Variants in RAB20 observed in about 807,000 individuals in gnomAD.
RAB20 encodes the protein ras-related protein Rab-20.
RAB20 carries 2 observed loss-of-function variants against 3.7 expected under a neutral mutation model. That is an observed-to-expected ratio of 0.54 (90% CI 0.22 to 1.69). The LOEUF (loss-of-function observed/expected upper bound fraction) is 1.69, where lower values mean the gene tolerates loss of function less well. Among genes scored for constraint, RAB20 ranks in the 40% most tolerant of loss-of-function variants. The pLI is 0.19. For missense variants in RAB20, 276 were observed against 311.9 expected, an observed-to-expected ratio of 0.88 and a Z score of 0.87; for synonymous variants, 126 against 130.8, an observed-to-expected ratio of 0.96 and a Z score of 0.25.
At chr13:110,545,575 A>G (rs1381760501) in intron 1 of RAB20, among the ~76,000 whole-genome samples, 2 of 152,210 alleles carry the variant, frequency 1.3e-5, no homozygotes, top group Non-Finnish European at 2.9e-5. Context: ...GTTCACACTC[A>G]CTGAGTGTTC....
chr13:110,546,497 A>G (rs1884851084), intron 1 of RAB20, among the ~76,000 whole-genome samples: 2 of 152,198 alleles, frequency 1.3e-5, no homozygotes, highest in African/African-American at 2.4e-5. Context: ...CCAACCCACA[A>G]GGAAGCACAG....
In RAB20 at chr13:110,543,133, A is replaced by AT. The variant is rs201018917; in HGVS notation, c.172+18214dup. Among the ~76,000 whole-genome samples, 66 of 151,236 alleles carry AT rather than the reference A, an allele frequency of 4.4e-4. No homozygotes were observed. In the South Asian group the frequency reaches 9.6e-3, roughly 22 times the overall value. On this transcript the variant is annotated intron_variant, in intron 1 of 1. Coordinates refer to ENST00000267328, the MANE Select transcript of RAB20 (RefSeq NM_017817.3). ...TCAGTTCAGGACCTTTGCTCATTTT[A>AT]TTTTTTTTTATTTTTATTTTAGAGA...
intron 1 of RAB20, among the ~76,000 whole-genome samples, chr13:110,559,453 T>C (rs1025213515): frequency 1.3e-5 from 2 of 152,150 alleles, no homozygotes; most frequent in African/African-American, 4.8e-5. Context: ...TGTTCCTACC[T>C]CTCTTTTCCC....
At chr13:110,554,674 G>GTT (rs1885009835) in intron 1 of RAB20, among the ~76,000 whole-genome samples, 1 of 152,182 alleles carries the variant, frequency 6.6e-6, no homozygotes, top group Non-Finnish European at 1.5e-5. Flanking sequence ...AGTTGTTCAG[G>GTT]TAAAGAGAAA....
At chr13:110,524,224 G>C in intron 1 of RAB20, 27 bp from the exon 2 acceptor site, 1 of 1,555,486 alleles carries the variant, frequency 6.4e-7, no homozygotes. Flanking sequence ...GACAGAAAGA[G>C]TGGTTATCTC....
In RAB20 at chr13:110,561,722, C is replaced by A. The variant is rs1885140964; in HGVS notation, c.-203G>T. 25 of 837,544 alleles carry A rather than the reference C, an allele frequency of 3.0e-5. No individual in the cohort carries two copies. Among genetic ancestry groups the A allele is most frequent in the Non-Finnish European group, 3.7e-5 (23 of 629,790 alleles). The allele number at this position is 837,544 out of a possible 1,614,324, so 51.9% of individuals were successfully genotyped here. On this transcript the variant is annotated 5_prime_UTR_variant, in exon 1 of 2. Transcript: ENST00000267328. ...GCCCGGGAAGGAGCTGGGTGCAGAG[C>A]ACGGAGCCCACGTCGGGGGCCCGGA...
intron 1 of RAB20, among the ~76,000 whole-genome samples, chr13:110,532,690 T>C (rs1039612163): frequency 2.6e-5 from 4 of 152,136 alleles, no homozygotes; most frequent in Middle Eastern, 6.8e-3. Flanking sequence ...TTAATTATTA[T>C]TTTTTTGAGA....
intron 1 of RAB20, among the ~76,000 whole-genome samples, chr13:110,549,864 C>T (rs1389947276): frequency 2.0e-5 from 3 of 152,130 alleles, no homozygotes; most frequent in African/African-American, 4.8e-5. Flanking sequence ...GCTGGGACTA[C>T]AGGCACGCGC....
Position 110,537,787 on chromosome 13 carries a change from C to T in RAB20, c.173-13590G>A, listed in dbSNP as rs112646667. Among the ~76,000 whole-genome samples, 340 of 152,188 alleles carry T rather than the reference C, an allele frequency of 2.2e-3. 2 individuals carry two copies. The highest frequency in any genetic ancestry group is 7.7e-3 in the African/African-American group (319 of 41,536). On this transcript the variant is annotated intron_variant, in intron 1 of 1. Coordinates refer to ENST00000267328, the MANE Select transcript of RAB20 (RefSeq NM_017817.3). ...CAGCGGTTCAGCTCCCAGGACCCTGCGGGGCTCAGTGCATCACCCCCAGCC... is the reference window on the plus strand; with the variant it reads ...CAGCGGTTCAGCTCCCAGGACCCTGTGGGGCTCAGTGCATCACCCCCAGCC...
intron 1 of RAB20, among the ~76,000 whole-genome samples, chr13:110,558,497 C>T (rs1489599645): frequency 6.7e-6 from 1 of 150,160 alleles, no homozygotes; most frequent in Admixed American, 6.7e-5. Flanking sequence ...GATTCTCCTG[C>T]CACAGCCTCC....
At chr13:110,558,380 C>CCT (rs1555336733) in intron 1 of RAB20, among the ~76,000 whole-genome samples, 1 of 119,364 alleles carries the variant, frequency 8.4e-6, no homozygotes, top group Non-Finnish European at 1.7e-5. Context: ...TGTCTTCCCA[C>CCT]TTTTTTTTTT....
chr13:110,524,387 G>C (rs970011741), intron 1 of RAB20, among the ~76,000 whole-genome samples, 190 bp from the exon 2 acceptor site: 5 of 152,172 alleles, frequency 3.3e-5, no homozygotes, highest in African/African-American at 1.2e-4. Context: ...GCAGCCCCTC[G>C]AGAAAACAAG....
chr13:110,538,614 AAAAAGAAAG>A (rs1566586864), intron 1 of RAB20, among the ~76,000 whole-genome samples: 26 of 133,498 alleles, frequency 1.9e-4, no homozygotes, highest in Non-Finnish European at 1.3e-4. Context: ...AAAAAAAAAA[AAAAAGAAAG>A]AAAAGAAAAG....
In RAB20 at chr13:110,559,490, C is replaced by A. The variant is rs541986485; in HGVS notation, c.172+1858G>T. 1.3e-4 allele frequency among the ~76,000 whole-genome samples: 20 copies of A among 151,948 alleles called. No homozygotes were observed. In the South Asian group the frequency reaches 2.5e-3, roughly 19 times the overall value. On this transcript the variant is annotated intron_variant, in intron 1 of 1. Coordinates refer to ENST00000267328, the MANE Select transcript of RAB20 (RefSeq NM_017817.3). ...TCAAGTACCCGGTCAGGCCACAGGC[C>A]ACCGAGGAGGCAGGCAAGGGTGCCC...
intron 1 of RAB20, among the ~76,000 whole-genome samples, chr13:110,561,059 T>C (rs1885119823): frequency 6.6e-6 from 1 of 152,190 alleles, no homozygotes; most frequent in South Asian, 2.1e-4. Context: ...GCGTCTCTGG[T>C]TCCCAGGGCG....
At chr13:110,560,531 A>C (rs1019435878) in intron 1 of RAB20, among the ~76,000 whole-genome samples, 8 of 152,104 alleles carry the variant, frequency 5.3e-5, no homozygotes, top group Non-Finnish European at 8.8e-5. Flanking sequence ...AAAAACTCAC[A>C]CTCATTGAAA....
intron 1 of RAB20, among the ~76,000 whole-genome samples, chr13:110,549,624 A>G (rs1273053979): frequency 6.6e-6 from 1 of 152,234 alleles, no homozygotes; most frequent in East Asian, 1.9e-4. Flanking sequence ...CCCATACCCT[A>G]GAGGAAGGAA....
At chr13:110,538,709 C>T (rs769512498) in intron 1 of RAB20, among the ~76,000 whole-genome samples, 1 of 152,198 alleles carries the variant, frequency 6.6e-6, no homozygotes. Context: ...TGCCTGAATC[C>T]ACTCCCAGAA....
chr13:110,536,723 G>T (rs868691180), intron 1 of RAB20, among the ~76,000 whole-genome samples: 4 of 46,860 alleles, frequency 8.5e-5, no homozygotes, highest in Non-Finnish European at 8.0e-5. Flanking sequence ...CTTTTTTTTG[G>T]GGCGGTGGGG....
Sources: allele counts gnomAD v4.1 joint callset (sites outside exome capture counted in the v4.1 genomes callset), GRCh38; gene constraint gnomAD v4.1.1; transcripts MANE v1.5; gene names NCBI Gene and HGNC (gene_info 2026-07-23, HGNC 2026-07-21).